Variants in BSX observed in about 807,000 individuals in gnomAD.
BSX encodes brain-specific homeobox protein homolog.
In BSX, 12 loss-of-function variants were observed where a neutral mutation model predicts 16.9. The ratio of observed to expected loss-of-function variants is 0.71; its 90% CI spans 0.46 to 1.15. BSX has a LOEUF of 1.15. BSX is among the 50% of genes most tolerant of loss of function. The pLI is 0.00. For synonymous variants in BSX, 160 were observed against 136.4 expected, an observed-to-expected ratio of 1.17 and a Z score of -1.20; for missense variants, 292 against 311.8, an observed-to-expected ratio of 0.94 and a Z score of 0.48.
chr11:122,977,751 A>T lies in BSX; in HGVS notation c.600T>A (p.Ala200=). ...AGGGACCGGCGGGCAGGCTCAGCCG[A>T]GCCTCGGCGGCGGTGGCGGCCTCTG... is the stretch of plus-strand genomic sequence containing the variant. ...RGSEAATAAE[A]RLSLPAGPFV... is the part of the protein sequence containing the mutation. The change falls in exon 3 of 3, where the codon GCT becomes GCA. Residue 200 remains alanine, a synonymous_variant. Coordinates refer to ENST00000343035, the MANE Select transcript of BSX (RefSeq NM_001098169.2). This position sits in a 1 kb window ranked among gnomAD's most constrained non-coding sequence, Gnocchi z 4.5. The T allele has an allele frequency of 1.2e-6, 2 of 1,611,402 alleles. No individual in the cohort carries two copies. The highest frequency in any genetic ancestry group is 1.7e-6 in the Non-Finnish European group (2 of 1,179,516).
At position 122,981,783 on chromosome 11, in the gene BSX, G is replaced by C; in HGVS notation, c.-112C>G. The C allele has an allele frequency of 4.3e-6, 5 of 1,154,524 alleles. No homozygotes were observed. The highest frequency in any genetic ancestry group is 6.0e-6 in the Non-Finnish European group (5 of 835,652). 71.5% of individuals were successfully genotyped at this position (1,154,524 alleles called of 1,614,324 possible). A position where few individuals can be genotyped will look rare whatever the true frequency, so the allele number is the denominator to read the frequency against. Reference sequence around the variant, plus strand: ...ACCACCCTCCGAGGCTCGAATCTCCGCTGCTCTCTCCCGGGCCTGGGCTAC... The same window carrying C: ...ACCACCCTCCGAGGCTCGAATCTCCCCTGCTCTCTCCCGGGCCTGGGCTAC... On this transcript the variant is annotated 5_prime_UTR_variant, in exon 1 of 3. Coordinates refer to ENST00000343035, the MANE Select transcript of BSX (RefSeq NM_001098169.2).
chr11:122,981,378 A>G (rs1308717823), intron 1 of BSX, 32 bp downstream of exon 1: 1 of 1,480,116 alleles, frequency 6.8e-7, no homozygotes. Context: ...CTGCTCTCTC[A>G]CTGCCCATAC....
intron 1 of BSX, 33 bp from the exon 2 acceptor site, chr11:122,979,490 C>A (rs774745930): frequency 3.8e-6 from 6 of 1,573,022 alleles, no homozygotes; most frequent in Non-Finnish European, 5.2e-6. Context: ...GTGGGCAGAG[C>A]GTGGGTCGCC....
At chr11:122,979,567 C>A in intron 1 of BSX, 110 bp from the exon 2 acceptor site, 1 of 854,514 alleles carries the variant, frequency 1.2e-6, no homozygotes, top group Non-Finnish European at 1.8e-6. Context: ...CGCCCCTCGC[C>A]TCCGTCAGTC....
Position 122,981,631 on chromosome 11 carries a change from G to A in BSX, c.41C>T (p.Ser14Phe). 3 of 1,597,284 alleles carry A rather than the reference G, an allele frequency of 1.9e-6. No homozygotes were observed. The highest frequency in any genetic ancestry group is 2.6e-6 in the Non-Finnish European group (3 of 1,172,254). ...NFTSPLHPAS[S>F]QRPTSFFIED... The stretch of plus-strand genomic sequence containing the variant: ...GATGAAGAAGGATGTGGGCCTCTGA[G>A]AAGACGCCGGGTGTAGAGGAGAGGT... Residue 14 changes from serine to phenylalanine, a missense_variant, in exon 1 of 3, where the codon TCT becomes TTT. This residue lies in a region of BSX where 176 missense variants were observed against 187.2 expected (regional missense o/e 0.94). Coordinates refer to ENST00000343035, the MANE Select transcript of BSX (RefSeq NM_001098169.2).
At position 122,979,299 on chromosome 11, in the gene BSX, C is replaced by G. The variant is rs751764889; in HGVS notation, c.421G>C (p.Val141Leu). The G allele has an allele frequency of 2.5e-6, 4 of 1,613,950 alleles. 1 individual carries two copies. Among genetic ancestry groups the G allele is most frequent in the Non-Finnish European group, 1.7e-6 (2 of 1,179,956 alleles). The change falls in exon 2 of 3, where the codon GTG becomes CTG. Residue 141 changes from valine to leucine, a missense_variant. Val to Leu is a conservative substitution (Grantham distance 32, BLOSUM62 1). Coordinates refer to ENST00000343035, the MANE Select transcript of BSX (RefSeq NM_001098169.2). ...IQRYLSTPERVELATALSLSE... is the reference protein window; with the variant it reads ...IQRYLSTPERLELATALSLSE... ...AGGCTGAGGGCCGTGGCCAGCTCCA[C>G]TCGTTCTGGCGTGGACAGGTAGCGC...
At position 122,981,411 on chromosome 11, in the gene BSX, C is replaced by T. The variant is rs370019336; in HGVS notation, c.261G>A (p.Ser87=). ...DHHHPYFLTT[S]GMPVPALFPH... The stretch of plus-strand genomic sequence containing the variant: ...TACCTTGAGGTTCCTGTTACTTACC[C>T]GAGGTGGTGAGGAAATAAGGATGAT... The change falls in exon 1 of 3, where the codon TCG becomes TCA. Residue 87 remains serine, a splice_region_variant and synonymous_variant. Coordinates refer to ENST00000343035, the MANE Select transcript of BSX (RefSeq NM_001098169.2). 34 of 1,524,868 alleles carry T rather than the reference C, an allele frequency of 2.2e-5. No homozygotes were observed. The African/African-American group carries it at 4.2e-4, about 19-fold the overall frequency. The allele number at this position is 1,524,868 out of a possible 1,614,324, so 94.5% of individuals were successfully genotyped here.
At chr11:122,979,520 G>C (rs1268479389) in intron 1 of BSX, 63 bp from the exon 2 acceptor site, 2 of 1,450,520 alleles carry the variant, frequency 1.4e-6, no homozygotes, top group African/African-American at 1.4e-5. Context: ...TCTCCGCTCC[G>C]CTCCCCTCCC....
Position 122,977,742 on chromosome 11 carries a change from G to T in BSX, c.609C>A (p.Ser203Arg). 3 of 1,610,174 alleles carry T rather than the reference G, an allele frequency of 1.9e-6. No individual in the cohort carries two copies. Among genetic ancestry groups the T allele is most frequent in the South Asian group, 2.2e-5 (2 of 91,016 alleles). The change falls in exon 3 of 3, where the codon AGC (serine) becomes AGA (arginine). Residue 203 changes from serine to arginine, a missense_variant. By Grantham distance (110) the Ser-to-Arg change is moderately radical. Transcript: ENST00000343035. This position sits in a 1 kb window ranked among gnomAD's most constrained non-coding sequence, Gnocchi z 4.5. ...TCAGCACGAAGGGACCGGCGGGCAG[G>T]CTCAGCCGAGCCTCGGCGGCGGTGG... The part of the protein sequence containing the change: ...EAATAAEARL[S>R]LPAGPFVLTE...
chr11:122,979,477 C>G lies in BSX; in HGVS notation c.263-20G>C, dbSNP rs202106054. ...GCATCCCTGCAGAGAGAAGAGCAAC[C>G]AAGTGGGCAGAGCGTGGGTCGCCGG... On this transcript the variant is annotated intron_variant, in intron 1 of 2. Transcript: ENST00000343035. The G allele has an allele frequency of 6.3e-7, 1 of 1,597,146 alleles. No homozygotes were observed. The highest frequency in any genetic ancestry group is 8.5e-7 in the Non-Finnish European group (1 of 1,172,814).
intron 1 of BSX, among the ~76,000 whole-genome samples, chr11:122,980,209 C>T (rs1364986331): frequency 1.3e-5 from 2 of 152,102 alleles, no homozygotes; most frequent in Non-Finnish European, 2.9e-5. Context: ...TTTCCATGGC[C>T]GGGTCCGGGG....
Position 122,979,113 on chromosome 11 carries a change from T to C in BSX, c.459+148A>G, listed in dbSNP as rs540413172. ...GCCACCGCGCCCGGCCAGGTGTAGG[T>C]AATTTTACGAAAGCTCTTGGGAAAG... On this transcript the variant is annotated intron_variant, in intron 2 of 2. Coordinates refer to ENST00000343035, the MANE Select transcript of BSX (RefSeq NM_001098169.2). 3.7e-6 allele frequency: 3 copies of C among 814,052 alleles called. No individual in the cohort carries two copies. In the South Asian group the frequency reaches 6.1e-5, roughly 17 times the overall value. 50.4% of individuals were successfully genotyped at this position (814,052 alleles called of 1,614,324 possible).
Position 122,981,452 on chromosome 11 carries a change from G to A in BSX, c.220C>T (p.His74Tyr), listed in dbSNP as rs2135402122. 2 of 1,570,310 alleles carry A rather than the reference G, an allele frequency of 1.3e-6. No homozygotes were observed. Among genetic ancestry groups the A allele is most frequent in the Non-Finnish European group, 1.7e-6 (2 of 1,156,868 alleles). Residue 74 changes from histidine (H) to tyrosine (Y), a missense_variant, in exon 1 of 3, where the codon CAT (histidine) becomes TAT (tyrosine). Physicochemically the swap from His to Tyr is moderately conservative, Grantham distance 83. This residue lies in a region of BSX where 176 missense variants were observed against 187.2 expected (regional missense o/e 0.94). Coordinates refer to ENST00000343035, the MANE Select transcript of BSX (RefSeq NM_001098169.2). ...LLAPHAHHPL[H>Y]KGDHHHPYFL... ...TAAGGATGATGGTGGTCTCCCTTAT[G>A]CAGAGGGTGATGGGCGTGAGGAGCC...
chr11:122,981,714 T>C lies in BSX; in HGVS notation c.-43A>G. On this transcript the variant is annotated 5_prime_UTR_variant, in exon 1 of 3. Coordinates refer to ENST00000343035, the MANE Select transcript of BSX (RefSeq NM_001098169.2). ...CCACAGGACAAGGGCCGGGACGAAG[T>C]GGAGGACGCAGGCAGAGTCTCCAAG... 1.3e-6 allele frequency: 2 copies of C among 1,536,922 alleles called. No individual in the cohort carries two copies.
rs750101490 is a variant in BSX, at chr11:122,977,689, C to G, written c.662G>C (p.Gly221Ala). The change falls in exon 3 of 3, where the codon GGA becomes GCA. Residue 221 changes from glycine to alanine, a missense_variant. By Grantham distance (60) the Gly-to-Ala change is moderately conservative. Around this residue, in one of 3 missense-constraint regions of BSX, gnomAD observed 107 missense variants for 97.1 expected, o/e 1.10. Coordinates refer to ENST00000343035, the MANE Select transcript of BSX (RefSeq NM_001098169.2). The surrounding 1 kb of genome is among the most constrained non-coding windows in gnomAD (Gnocchi z 4.5). ...CCCTGAGCCCAGCTCCCCCTCGTCT[C>G]CAATGTCCACCTCGTCCTCTGGCTC... is the stretch of plus-strand genomic sequence containing the variant. Reference protein sequence around the residue: ...LTEPEDEVDIGDEGELGSGPH... With the variant: ...LTEPEDEVDIADEGELGSGPH... 6.2e-7 allele frequency: 1 copy of G among 1,612,268 alleles called. No individual in the cohort carries two copies. The highest frequency in any genetic ancestry group is 8.5e-7 in the Non-Finnish European group (1 of 1,179,848).
chr11:122,979,318 G>A lies in BSX; in HGVS notation c.402C>T (p.Tyr134=), dbSNP rs749283243. The change falls in exon 2 of 3, where the codon TAC becomes TAT. Residue 134 remains tyrosine (Y), a synonymous_variant. Coordinates refer to ENST00000343035, the MANE Select transcript of BSX (RefSeq NM_001098169.2). ...GCTCCACTCGTTCTGGCGTGGACAG[G>A]TAGCGCTGGATCTCGAACCTCTTCT... ...GLEKRFEIQR[Y]LSTPERVELA... is the part of the protein sequence containing the mutation. 2.8e-5 allele frequency: 45 copies of A among 1,614,206 alleles called. No individual in the cohort carries two copies. Among genetic ancestry groups the A allele is most frequent in the East Asian group, 4.5e-5 (2 of 44,878 alleles).
intron 1 of BSX, 74 bp from the exon 2 acceptor site, chr11:122,979,531 C>T: frequency 1.5e-6 from 2 of 1,366,560 alleles, no homozygotes; most frequent in Non-Finnish European, 2.0e-6. Flanking sequence ...CTCCCCTCCC[C>T]TCCCCTAGCC....
At chr11:122,980,967 C>G (rs1864561189) in intron 1 of BSX, among the ~76,000 whole-genome samples, 1 of 152,210 alleles carries the variant, frequency 6.6e-6, no homozygotes, top group Non-Finnish European at 1.5e-5. Context: ...AGAGATCTGG[C>G]CTGGACAGAG....
In BSX at chr11:122,977,834, G is replaced by A. The variant is rs1208925987; in HGVS notation, c.517C>T (p.Gln173Ter). 1 of 1,613,988 alleles carries A rather than the reference G, an allele frequency of 6.2e-7. No homozygotes were observed. Among genetic ancestry groups the A allele is most frequent in the Admixed American group, 1.7e-5 (1 of 59,988 alleles). ...CCGTCTGGTGCTTTGGGTTCGTCTT[G>A]GCTTTTCCGCAGTTGCTTTTTATGC... ...MKHKKQLRKS[Q>*]DEPKAPDGPE... is the part of the protein sequence containing the mutation. Residue 173 changes from glutamine to a stop codon, truncating the protein, a stop_gained, in exon 3 of 3, where the codon CAA becomes TAA. Transcript: ENST00000343035. LOFTEE classifies it high-confidence loss of function. The surrounding 1 kb of genome is among the most constrained non-coding windows in gnomAD (Gnocchi z 4.5).
Sources: gnomAD v4.1 joint callset for allele counts (sites outside exome capture counted in the v4.1 genomes callset) on GRCh38, gnomAD v4.1.1 for gene constraint, gnomAD v4.1.1 regional missense constraint, Gnocchi (gnomAD v3.1) non-coding constraint, MANE v1.5 for transcripts, NCBI Gene and HGNC (gene_info 2026-07-23, HGNC 2026-07-21) for gene names.